The following DNAJC17 variants were observed in gnomAD, a reference collection of about 807,000 sequenced individuals.
DNAJC17 encodes the protein DnaJ heat shock protein family (Hsp40) member C17.
Under a neutral mutation model 48.1 loss-of-function variants are expected in DNAJC17, and 35 were observed. The observed-to-expected ratio is 0.73, with a 90% confidence interval of 0.56 to 0.96. DNAJC17 has a LOEUF of 0.96. Among genes scored for constraint, DNAJC17 ranks in the 50% least tolerant of loss-of-function variants. The pLI is 0.00. For synonymous variants in DNAJC17, 117 were observed against 142.7 expected (o/e 0.82, Z 1.28); for missense variants, 355 against 377.1 (o/e 0.94, Z 0.48).
Position 40,776,580 on chromosome 15 carries a change from C to T in DNAJC17, c.343G>A (p.Glu115Lys), listed in dbSNP as rs1889331204. 6 of 1,614,094 alleles carry T rather than the reference C, an allele frequency of 3.7e-6. No individual in the cohort carries two copies. In the South Asian group the frequency reaches 5.5e-5, roughly 15 times the overall value. ...RQAQAQESEE[E>K]EESRSTRTLE... The stretch of plus-strand genomic sequence containing the variant: ...GTCCTGGTGCTCCGGCTCTCCTCTT[C>T]CTCCTCACTCTCCTGGGCCTGGGCC... Residue 115 changes from glutamate to lysine, a missense_variant, in exon 5 of 11, where the codon GAA becomes AAA. Glu to Lys is a moderately conservative substitution (Grantham distance 56). Around this residue, in one of 3 missense-constraint regions of DNAJC17, gnomAD observed 199 missense variants for 199.9 expected, o/e 1.00. Transcript: ENST00000220496.
chr15:40,777,281 C>A (rs796894132), intron 4 of DNAJC17, among the ~76,000 whole-genome samples: 1 of 131,560 alleles, frequency 7.6e-6, no homozygotes, highest in East Asian at 2.2e-4. Flanking sequence ...CTCTCTCTCT[C>A]TTTTTTTTTT....
chr15:40,780,266 G>A (rs778029862), intron 1 of DNAJC17: 78 of 612,902 alleles, frequency 1.3e-4, no homozygotes, highest in South Asian at 3.0e-5. Context: ...GCAACAGGCA[G>A]GAGCACAGTA....
Position 40,766,044 on chromosome 15 carries a change from G to C in DNAJC17, c.*1896C>G, listed in dbSNP as rs1462477236. The C allele has an allele frequency of 2.5e-5, 12 of 485,370 alleles. No homozygotes were observed. The highest frequency in any genetic ancestry group is 4.0e-5 in the African/African-American group (2 of 50,094). The allele number at this position is 485,370 out of a possible 1,614,324, so 30.1% of individuals were successfully genotyped here. A position where few individuals can be genotyped will look rare whatever the true frequency, so the allele number is the denominator to read the frequency against. On this transcript the variant is annotated 3_prime_UTR_variant, in exon 11 of 11. Coordinates refer to ENST00000220496, the MANE Select transcript of DNAJC17 (RefSeq NM_018163.3). Reference sequence around the variant, plus strand: ...ATCAGAGCCCCCTGCCTGCATCCTGGGGCTCTGTTCTCCGGAGGAGTTGGT... The same window carrying C: ...ATCAGAGCCCCCTGCCTGCATCCTGCGGCTCTGTTCTCCGGAGGAGTTGGT...
intron 1 of DNAJC17, among the ~76,000 whole-genome samples, chr15:40,799,057 A>C (rs1432996729): frequency 4.6e-5 from 7 of 151,744 alleles, no homozygotes; most frequent in African/African-American, 1.7e-4. Context: ...GTGTCTACTA[A>C]AAATACAAAA....
chr15:40,767,487 C>T lies in DNAJC17; in HGVS notation c.*453G>A. On this transcript the variant is annotated 3_prime_UTR_variant, in exon 11 of 11. Coordinates refer to ENST00000220496, the MANE Select transcript of DNAJC17 (RefSeq NM_018163.3). Reference sequence around the variant, plus strand: ...CCGCCATGGGCCCAGCCCCAAAGGGCAGTGAATGGCCTTCTCTGAAACCCT... The same window carrying T: ...CCGCCATGGGCCCAGCCCCAAAGGGTAGTGAATGGCCTTCTCTGAAACCCT... 2 of 981,106 alleles carry T rather than the reference C, an allele frequency of 2.0e-6. No homozygotes were observed. Among genetic ancestry groups the T allele is most frequent in the Non-Finnish European group, 1.4e-6 (1 of 692,858 alleles). The allele number at this position is 981,106 out of a possible 1,614,324, so 60.8% of individuals were successfully genotyped here.
intron 1 of DNAJC17, chr15:40,780,489 C>T (rs1249494334): frequency 2.7e-6 from 1 of 372,044 alleles, no homozygotes; most frequent in Non-Finnish European, 5.3e-6. Flanking sequence ...ACTAGCCAGC[C>T]AAGATCCCCA....
chr15:40,774,770 A>G (rs1889270650), intron 8 of DNAJC17, among the ~76,000 whole-genome samples: 1 of 152,194 alleles, frequency 6.6e-6, no homozygotes, highest in African/African-American at 2.4e-5. Flanking sequence ...AACCCACTCA[A>G]CCAAGCTCTT....
At chr15:40,782,811 C>T (rs1001340042) in intron 1 of DNAJC17, among the ~76,000 whole-genome samples, 3 of 152,152 alleles carry the variant, frequency 2.0e-5, no homozygotes, top group Admixed American at 2.0e-4. Flanking sequence ...TGTGCTGCCA[C>T]CTGCTGGGCC....
At chr15:40,782,254 T>A (rs992198731) in intron 1 of DNAJC17, among the ~76,000 whole-genome samples, 1 of 151,214 alleles carries the variant, frequency 6.6e-6, no homozygotes, top group Non-Finnish European at 1.5e-5. Context: ...TTAAATTAAA[T>A]TAAAATAAAA....
chr15:40,797,325 G>A (rs186249373), intron 1 of DNAJC17, among the ~76,000 whole-genome samples: 14 of 152,168 alleles, frequency 9.2e-5, no homozygotes, highest in East Asian at 3.9e-4. Context: ...AGCTGTGATC[G>A]CACAATTTCA....
intron 4 of DNAJC17, 67 bp downstream of exon 4, chr15:40,779,156 G>A (rs1889409152): frequency 6.7e-7 from 1 of 1,482,702 alleles, no homozygotes; most frequent in East Asian, 2.3e-5. Flanking sequence ...TGAAGCTTCA[G>A]GTGAGGGAGA....
At position 40,779,987 on chromosome 15, in the gene DNAJC17, G is replaced by A. The variant is rs1352219038; in HGVS notation, c.89C>T (p.Ala30Val). The part of the protein sequence containing the change: ...EKAADKEVKK[A>V]YRQKALSCHP... ...GCAGGAGAGGGCCTTCTGCCTATAC[G>A]CCTTCTTTACCTGGAAGAGTCAGAC... The change falls in exon 2 of 11, where the codon GCG (alanine) becomes GTG (valine). Residue 30 changes from alanine (A) to valine (V), a missense_variant. Physicochemically the swap from Ala to Val is moderately conservative, Grantham distance 64. This residue lies in a region of DNAJC17 where 199 missense variants were observed against 199.9 expected (regional missense o/e 1.00). Transcript: ENST00000220496. 15 of 1,613,988 alleles carry A rather than the reference G, an allele frequency of 9.3e-6. No individual in the cohort carries two copies. Among genetic ancestry groups the A allele is most frequent in the Non-Finnish European group, 1.1e-5 (13 of 1,179,968 alleles).
Position 40,770,936 on chromosome 15 carries a change from C to G in DNAJC17, c.792+2791G>C. 6.4e-7 allele frequency: 1 copy of G among 1,551,524 alleles called. No homozygotes were observed. Among genetic ancestry groups the G allele is most frequent in the Non-Finnish European group, 8.7e-7 (1 of 1,147,014 alleles). On this transcript the variant is annotated intron_variant, in intron 10 of 10. Transcript: ENST00000220496. The surrounding 1 kb of genome is among the most constrained non-coding windows in gnomAD (Gnocchi z 5.0). The stretch of plus-strand genomic sequence containing the variant: ...CCCCAGACCTCAGTGATCCCTTCCT[C>G]TCCTTCAAAGTGGACCTGGGGATTT...
chr15:40,776,831 G>C lies in DNAJC17; in HGVS notation c.296-204C>G, dbSNP rs1889340618. ...ACAGAAGTATGGGGTCTAGCAGAGT[G>C]GCCAGGGGTCTGGAAGAGTTAAAAA... On this transcript the variant is annotated intron_variant, in intron 4 of 10. Coordinates refer to ENST00000220496, the MANE Select transcript of DNAJC17 (RefSeq NM_018163.3). 8 of 568,208 alleles carry C rather than the reference G, an allele frequency of 1.4e-5. No homozygotes were observed. In the South Asian group the frequency reaches 1.6e-4, roughly 11 times the overall value. The allele number at this position is 568,208 out of a possible 1,614,324, so 35.2% of individuals were successfully genotyped here.
rs1355706914 is a variant in DNAJC17, at chr15:40,767,282, G to A, written c.*658C>T. 5.6e-6 allele frequency: 9 copies of A among 1,604,286 alleles called. No individual in the cohort carries two copies. Among genetic ancestry groups the A allele is most frequent in the Non-Finnish European group, 7.7e-6 (9 of 1,175,572 alleles). The stretch of plus-strand genomic sequence containing the variant: ...ATAGTCCTGGACAAGCTGGAACGCA[G>A]GGGCTTCCGTGTGCTGAGCATGACG... On this transcript the variant is annotated 3_prime_UTR_variant, in exon 11 of 11. Transcript: ENST00000220496.
intron 1 of DNAJC17, among the ~76,000 whole-genome samples, chr15:40,802,459 G>A (rs778636483): frequency 6.6e-6 from 1 of 152,184 alleles, no homozygotes; most frequent in Non-Finnish European, 1.5e-5. Context: ...ATGAGCCACT[G>A]CGCCTGGCCA....
rs146242086 is a variant in DNAJC17, at chr15:40,767,306, C to G, written c.*634G>C. ...AGGGGCTTCCGTGTGCTGAGCATGA[C>G]GGGGGTGGGCCAGACGCTGGTGTGG... On this transcript the variant is annotated 3_prime_UTR_variant, in exon 11 of 11. Coordinates refer to ENST00000220496, the MANE Select transcript of DNAJC17 (RefSeq NM_018163.3). The G allele has an allele frequency of 1.2e-5, 20 of 1,603,686 alleles. No individual in the cohort carries two copies. Among genetic ancestry groups the G allele is most frequent in the Non-Finnish European group, 1.7e-5 (20 of 1,175,614 alleles).
At chr15:40,791,992 C>T (rs543116313) in intron 1 of DNAJC17, among the ~76,000 whole-genome samples, 2 of 152,320 alleles carry the variant, frequency 1.3e-5, no homozygotes, top group South Asian at 4.2e-4. Flanking sequence ...AAATGGCCCC[C>T]AGATGCTCAC....
rs368448056 is a variant in DNAJC17 at position 40,802,669 on chromosome 15, A to ACATCAGGG, written c.78+4692_78+4699dup. ...CAGAAGGAGCAGAGGCCTGAGCTGGACATCAGGGCATCAGGGCATCAGGGC... is the reference window on the plus strand; with the variant it reads ...CAGAAGGAGCAGAGGCCTGAGCTGGACATCAGGGCATCAGGGCATCAGGGCATCAGGGC... On this transcript the variant is annotated intron_variant, in intron 1 of 10. Transcript: ENST00000220496. Among the ~76,000 whole-genome samples the ACATCAGGG allele has an allele frequency of 3.2e-4, 49 of 152,224 alleles. 1 individual carries two copies. The highest frequency in any genetic ancestry group is 9.1e-4 in the African/African-American group (38 of 41,536).
Sources: allele counts gnomAD v4.1 joint callset (sites outside exome capture counted in the v4.1 genomes callset), GRCh38; gene constraint gnomAD v4.1.1; regional missense constraint gnomAD v4.1.1; non-coding constraint Gnocchi (gnomAD v3.1); transcripts MANE v1.5; gene names NCBI Gene and HGNC (gene_info 2026-07-23, HGNC 2026-07-21).